ADGRL2: variants seen among roughly 807,000 people sequenced by gnomAD.
The protein encoded by ADGRL2 is adhesion G protein-coupled receptor L2, also known as calcium-independent alpha-latrotoxin receptor 2.
In ADGRL2, 44 loss-of-function variants were observed where a neutral mutation model predicts 157.4. The ratio of observed to expected loss-of-function variants is 0.28; its 90% CI spans 0.22 to 0.36. The LOEUF is 0.36. Ranked by LOEUF, ADGRL2 falls within the 10% of genes least tolerant of loss-of-function variation. The pLI is 1.00. For missense variants in ADGRL2, 1,510 were observed against 1,768.9 expected, an observed-to-expected ratio of 0.85 and a Z score of 2.63; for synonymous variants, 585 against 624.7, an observed-to-expected ratio of 0.94 and a Z score of 0.95.
chr1:81,563,567 T>C (rs1252675550), intron 2 of ADGRL2, among the ~76,000 whole-genome samples: 1 of 152,208 alleles, frequency 6.6e-6, no homozygotes, highest in African/African-American at 2.4e-5. Context: ...ATATGTACTT[T>C]GGTGAGTTAC....
chr1:81,520,526 T>C (rs2079288622), intron 2 of ADGRL2, among the ~76,000 whole-genome samples: 1 of 152,168 alleles, frequency 6.6e-6, no homozygotes, highest in Admixed American at 6.5e-5. Flanking sequence ...TGAAGGGAGA[T>C]GATTGGATCA....
chr1:81,559,145 C>T (rs1473639874), intron 2 of ADGRL2, among the ~76,000 whole-genome samples: 1 of 152,108 alleles, frequency 6.6e-6, no homozygotes. Flanking sequence ...GTCAGAAATT[C>T]CTGAGTTTGG....
intron 1 of ADGRL2, among the ~76,000 whole-genome samples, chr1:81,416,088 G>A (rs543975743): frequency 1.2e-4 from 18 of 152,050 alleles, no homozygotes; most frequent in African/African-American, 4.3e-4. Context: ...GTGACCTCAC[G>A]ATCCGCCCAC....
At chr1:81,428,589 AG>A (rs2077262776) in intron 1 of ADGRL2, among the ~76,000 whole-genome samples, 1 of 152,130 alleles carries the variant, frequency 6.6e-6, no homozygotes, top group Admixed American at 6.5e-5. Flanking sequence ...GAGAGAGGGA[AG>A]TGGGGGATGC....
At chr1:81,370,793 A>G (rs1228795685) in intron 1 of ADGRL2, among the ~76,000 whole-genome samples, 1 of 152,176 alleles carries the variant, frequency 6.6e-6, no homozygotes, top group Non-Finnish European at 1.5e-5. Flanking sequence ...TGTGCTTTTA[A>G]AAATCTTCAC....
intron 1 of ADGRL2, among the ~76,000 whole-genome samples, chr1:81,810,493 T>G (rs1330368675): frequency 5.9e-5 from 9 of 151,902 alleles, no homozygotes; most frequent in Admixed American, 5.9e-4. Flanking sequence ...GGTTATTGAT[T>G]AGAAATTACA....
rs1660525549 is a variant in ADGRL2, at chr1:81,321,858, C to T, written c.-302+15349C>T. Among the ~76,000 whole-genome samples the T allele has an allele frequency of 3.3e-5, 5 of 150,230 alleles. 1 individual carries two copies. The East Asian group carries it at 9.8e-4, about 29-fold the overall frequency. ...GAAAAAAAAAAATGATGCCAATAGA[C>T]TTGCTGGACCAAAGTTTGCCACAAA... On this transcript the variant is annotated intron_variant, in intron 1 of 24. Coordinates refer to the ADGRL2 transcript ENST00000370721.
At chr1:81,429,955 G>A (rs754524523) in intron 1 of ADGRL2, among the ~76,000 whole-genome samples, 45 of 152,220 alleles carry the variant, frequency 3.0e-4, no homozygotes, top group African/African-American at 1.0e-3. Flanking sequence ...GGGCAATGGC[G>A]CGATCTTGGC....
At chr1:81,515,012 T>C (rs2079148832) in intron 2 of ADGRL2, 1 of 152,226 alleles carries the variant, frequency 6.6e-6, no homozygotes, top group South Asian at 2.1e-4. Flanking sequence ...GCATATTGTT[T>C]ATAATTTAAT....
At chr1:81,335,616 T>C (rs2100726452) in intron 1 of ADGRL2, among the ~76,000 whole-genome samples, 1 of 152,194 alleles carries the variant, frequency 6.6e-6, no homozygotes, top group East Asian at 1.9e-4. Flanking sequence ...ATAATTTCCA[T>C]GTATGATTCC....
chr1:81,984,784 A>G, intron 20 of ADGRL2, 73 bp downstream of exon 20: 1 of 1,479,016 alleles, frequency 6.8e-7, no homozygotes, highest in Non-Finnish European at 9.3e-7. Context: ...TTCTGTTCAG[A>G]TGCACTAATT....
intron 1 of ADGRL2, among the ~76,000 whole-genome samples, chr1:81,323,289 T>C (rs945753587): frequency 3.9e-5 from 6 of 152,264 alleles, no homozygotes; most frequent in Admixed American, 3.9e-4. Context: ...TCACCCAGGC[T>C]GGAGTGTGGT....
chr1:81,709,759 C>A (rs2083861475), intron 1 of ADGRL2, among the ~76,000 whole-genome samples: 1 of 151,754 alleles, frequency 6.6e-6, no homozygotes, highest in Admixed American at 6.6e-5. Context: ...CTAAGTATGC[C>A]TTAAAATATC....
intron 2 of ADGRL2, among the ~76,000 whole-genome samples, chr1:81,491,068 C>T (rs2078621812): frequency 6.6e-6 from 1 of 152,124 alleles, no homozygotes; most frequent in South Asian, 2.1e-4. Flanking sequence ...TTTCCAGTAA[C>T]CATTAAATGT....
intron 1 of ADGRL2, among the ~76,000 whole-genome samples, chr1:81,349,701 T>C (rs929415060): frequency 1.7e-4 from 26 of 151,278 alleles, no homozygotes; most frequent in African/African-American, 6.1e-4. Flanking sequence ...AATCCAAGCA[T>C]TCTCTCATCA....
chr1:81,375,224 G>T (rs1428765646), intron 1 of ADGRL2, among the ~76,000 whole-genome samples: 2 of 152,206 alleles, frequency 1.3e-5, no homozygotes, highest in African/African-American at 4.8e-5. Flanking sequence ...ACTTAAGTCT[G>T]GCTCAAGGAG....
At chr1:81,331,439 T>C (rs777168209) in intron 1 of ADGRL2, among the ~76,000 whole-genome samples, 6 of 152,252 alleles carry the variant, frequency 3.9e-5, no homozygotes, top group Admixed American at 2.0e-4. Flanking sequence ...GACAATGATA[T>C]ATCAAGTCAC....
chr1:81,406,445 T>G (rs1311406772), intron 1 of ADGRL2, among the ~76,000 whole-genome samples: 1 of 152,150 alleles, frequency 6.6e-6, no homozygotes, highest in Admixed American at 6.5e-5. Context: ...TAGTAACATC[T>G]GGTGGTACAG....
In ADGRL2 at chr1:81,493,062, A is replaced by G. The variant is rs955215426; in HGVS notation, c.-248+47973A>G. On this transcript the variant is annotated intron_variant, in intron 2 of 24. Transcript: ENST00000370721. Reference sequence around the variant, plus strand: ...AAAGAAGAAAACTCCTTTTTAAAAAACAATGTAACTCAGTCCAAGTACCAG... The same window carrying G: ...AAAGAAGAAAACTCCTTTTTAAAAAGCAATGTAACTCAGTCCAAGTACCAG... 6.6e-4 allele frequency among the ~76,000 whole-genome samples: 101 copies of G among 152,224 alleles called. 1 individual carries two copies. Among genetic ancestry groups the G allele is most frequent in the African/African-American group, 2.4e-3 (98 of 41,468 alleles).
Sources: allele counts gnomAD v4.1 joint callset (sites outside exome capture counted in the v4.1 genomes callset), GRCh38; gene constraint gnomAD v4.1.1; transcripts MANE v1.5; gene names NCBI Gene and HGNC (gene_info 2026-07-23, HGNC 2026-07-21).